PEX14: variants seen among roughly 807,000 people sequenced by gnomAD.
The protein encoded by PEX14 is peroxisomal membrane protein PEX14.
Under a neutral mutation model 49.5 loss-of-function variants are expected in PEX14, and 15 were observed. That is an observed-to-expected ratio of 0.30 (90% CI 0.20 to 0.47). PEX14 has a LOEUF of 0.47. PEX14 is among the 20% of genes least tolerant of loss of function. The probability of loss-of-function intolerance (pLI) is 1.00; values close to 1 mark genes in which losing one functional copy is unlikely to be tolerated. For missense variants in PEX14, 398 were observed against 494.8 expected, an observed-to-expected ratio of 0.80 and a Z score of 1.86; for synonymous variants, 210 against 212.7, an observed-to-expected ratio of 0.99 and a Z score of 0.11.
At chr1:10,565,452 T>A (rs969390697) in intron 3 of PEX14, among the ~76,000 whole-genome samples, 1 of 152,176 alleles carries the variant, frequency 6.6e-6, no homozygotes, top group African/African-American at 2.4e-5. Flanking sequence ...TCTTCATGGC[T>A]CCTTTTCCTT....
chr1:10,533,021 T>C (rs1009390039), intron 2 of PEX14, among the ~76,000 whole-genome samples: 2 of 152,176 alleles, frequency 1.3e-5, no homozygotes, highest in African/African-American at 4.8e-5. Flanking sequence ...AATTCTAGAT[T>C]GGACAGGTCC....
At chr1:10,566,847 T>G (rs925317197) in intron 3 of PEX14, among the ~76,000 whole-genome samples, 2 of 151,958 alleles carry the variant, frequency 1.3e-5, no homozygotes, top group Non-Finnish European at 2.9e-5. Context: ...CTCAAGTTGT[T>G]TTTTTTTAAG....
intron 5 of PEX14, among the ~76,000 whole-genome samples, chr1:10,619,364 C>G (rs959715899): frequency 6.7e-6 from 1 of 150,362 alleles, no homozygotes; most frequent in Non-Finnish European, 1.5e-5. Context: ...TCACCTAGGC[C>G]GGAGTGCAGT....
intron 2 of PEX14, among the ~76,000 whole-genome samples, chr1:10,511,069 G>T (rs1021198652): frequency 6.9e-6 from 1 of 144,056 alleles, no homozygotes; most frequent in African/African-American, 2.5e-5. Context: ...GATAGGCATC[G>T]TTAAATGTGC....
chr1:10,542,519 C>T (rs2506895), intron 3 of PEX14, among the ~76,000 whole-genome samples: 147,783 of 152,330 alleles, frequency 0.97, 71,840 homozygotes, highest in East Asian at 1. Flanking sequence ...CCCAGCACTT[C>T]GGGAGGCAGA....
At chr1:10,583,204 G>A (rs1051286400) in intron 3 of PEX14, among the ~76,000 whole-genome samples, 5 of 150,354 alleles carry the variant, frequency 3.3e-5, no homozygotes, top group African/African-American at 9.8e-5. Flanking sequence ...TGGGGTTTCC[G>A]TTTATTTATT....
intron 1 of PEX14, among the ~76,000 whole-genome samples, chr1:10,482,144 T>G (rs1442099638): frequency 6.6e-6 from 1 of 152,124 alleles, no homozygotes; most frequent in Non-Finnish European, 1.5e-5. Flanking sequence ...CTTTTTGTTT[T>G]TTGAGACTGA....
chr1:10,548,131 C>T (rs1018405958), intron 3 of PEX14, among the ~76,000 whole-genome samples: 1 of 152,176 alleles, frequency 6.6e-6, no homozygotes, highest in Non-Finnish European at 1.5e-5. Flanking sequence ...GCAGGAGAAT[C>T]GCTTGAACCC....
At chr1:10,608,674 G>GA (rs58340058) in intron 4 of PEX14, among the ~76,000 whole-genome samples, 5 of 142,828 alleles carry the variant, frequency 3.5e-5, no homozygotes, top group Admixed American at 1.4e-4. Context: ...AAAAAAAAAA[G>GA]AAAAAAAAAA....
intron 4 of PEX14, among the ~76,000 whole-genome samples, chr1:10,615,841 A>G (rs1203958350): frequency 6.6e-6 from 1 of 152,228 alleles, no homozygotes; most frequent in Non-Finnish European, 1.5e-5. Context: ...ATCCTGTGCC[A>G]CCTTAGGTGT....
chr1:10,538,343 AT>A (rs913463801), intron 3 of PEX14, among the ~76,000 whole-genome samples: 2 of 152,082 alleles, frequency 1.3e-5, no homozygotes, highest in Non-Finnish European at 2.9e-5. Flanking sequence ...TTGACCCCTA[AT>A]TTGGGTTAGA....
intron 3 of PEX14, among the ~76,000 whole-genome samples, chr1:10,563,927 A>AAT (rs1366440800): frequency 6.6e-6 from 1 of 151,328 alleles, no homozygotes; most frequent in Non-Finnish European, 1.5e-5. Context: ...GAAAAAAAAA[A>AAT]AGTTATTTCA....
chr1:10,590,711 A>G (rs1640639747), intron 3 of PEX14, among the ~76,000 whole-genome samples: 1 of 152,224 alleles, frequency 6.6e-6, no homozygotes. Context: ...AACCAATACC[A>G]GATTCATTTG....
At chr1:10,503,288 AAAAAAAAAAAAAAAAAAAG>A (rs1641717038) in intron 2 of PEX14, among the ~76,000 whole-genome samples, 1 of 127,878 alleles carries the variant, frequency 7.8e-6, no homozygotes, top group Non-Finnish European at 1.7e-5. Flanking sequence ...TCTCAAAAAA[AAAAAAAAAAAAAAAAAAAG>A]AAAGAAAGAA....
chr1:10,568,323 TCCCCC>T lies in PEX14; in HGVS notation c.170-30904_170-30900del, dbSNP rs58295618. Among the ~76,000 whole-genome samples the T allele has an allele frequency of 6.9e-4, 82 of 118,754 alleles. 4 individuals carry two copies. The highest frequency in any genetic ancestry group is 5.3e-3 in the Middle Eastern group (1 of 188). The allele number at this position is 118,754 out of a possible 152,430, so 77.9% of individuals were successfully genotyped here. A position where few individuals can be genotyped will look rare whatever the true frequency, so the allele number is the denominator to read the frequency against. On this transcript the variant is annotated intron_variant, in intron 3 of 8. Coordinates refer to ENST00000356607, the MANE Select transcript of PEX14 (RefSeq NM_004565.3). ...ACACATATACACAAGTAGATACTCT[TCCCCC>T]CCCCCCCCCCACTCCCACTAACAGA...
chr1:10,629,327 C>T lies in PEX14; in HGVS notation c.678-204C>T, dbSNP rs1009498961. On this transcript the variant is annotated intron_variant, in intron 8 of 8. Transcript: ENST00000356607. This position sits in a 1 kb window ranked among gnomAD's most constrained non-coding sequence, Gnocchi z 8.5. Reference sequence around the variant, plus strand: ...GGACCCTGGGCTGTCTGTGGGGGCACAGGACCCGCTTGGCATCTATCTCAG... The same window carrying T: ...GGACCCTGGGCTGTCTGTGGGGGCATAGGACCCGCTTGGCATCTATCTCAG... 2.0e-5 allele frequency among the ~76,000 whole-genome samples: 3 copies of T among 152,184 alleles called. No individual in the cohort carries two copies. The highest frequency in any genetic ancestry group is 1.3e-4 in the Admixed American group (2 of 15,288).
At chr1:10,580,129 T>A (rs1022713967) in intron 3 of PEX14, among the ~76,000 whole-genome samples, 1 of 152,150 alleles carries the variant, frequency 6.6e-6, no homozygotes, top group African/African-American at 2.4e-5. Flanking sequence ...ATAACAATAA[T>A]GTAGTGTTAG....
In PEX14 at chr1:10,529,575, A is replaced by G. The variant is rs1054346714; in HGVS notation, c.85-6638A>G. 1.3e-5 allele frequency among the ~76,000 whole-genome samples: 2 copies of G among 152,248 alleles called. No homozygotes were observed. The highest frequency in any genetic ancestry group is 4.8e-5 in the African/African-American group (2 of 41,466). On this transcript the variant is annotated intron_variant, in intron 2 of 8. Coordinates refer to ENST00000356607, the MANE Select transcript of PEX14 (RefSeq NM_004565.3). This position sits in a 1 kb window ranked among gnomAD's most constrained non-coding sequence, Gnocchi z 4.2. The stretch of plus-strand genomic sequence containing the variant: ...ATATTTTTAACTAAGGCCAAGGGAA[A>G]AAAAATAAATGGCAGAGATATTTCA...
chr1:10,556,294 C>T (rs1280028162), intron 3 of PEX14, among the ~76,000 whole-genome samples: 1 of 152,122 alleles, frequency 6.6e-6, no homozygotes, highest in Non-Finnish European at 1.5e-5. Context: ...TCCCTATATC[C>T]CCAGAGCATG....
Sources: gnomAD v4.1 joint callset for allele counts (sites outside exome capture counted in the v4.1 genomes callset) on GRCh38, gnomAD v4.1.1 for gene constraint, Gnocchi (gnomAD v3.1) non-coding constraint, MANE v1.5 for transcripts, NCBI Gene and HGNC (gene_info 2026-07-23, HGNC 2026-07-21) for gene names.